Variants in LAMA2 observed in about 807,000 individuals in gnomAD.
The protein encoded by LAMA2 is laminin subunit alpha 2, also known as laminin subunit alpha-2.
Under a neutral mutation model 364.8 loss-of-function variants are expected in LAMA2, and 269 were observed. The observed-to-expected ratio is 0.74, with a 90% confidence interval of 0.67 to 0.82. LAMA2 has a LOEUF of 0.82. LAMA2 is among the 40% of genes least tolerant of loss of function. LAMA2 has a pLI of 0.00. For missense variants in LAMA2, 3,807 were observed against 3,873.2 expected (o/e 0.98, Z 0.45); for synonymous variants, 1,379 against 1,370.6 (o/e 1.01, Z -0.14).
chr6:129,050,135 AT>A (rs750771368), intron 2 of LAMA2, 47 bp downstream of exon 2: 27 of 1,593,684 alleles, frequency 1.7e-5, no homozygotes, highest in Non-Finnish European at 2.3e-5. Context: ...AGGATCTATA[AT>A]TGTGAGATGT....
At chr6:128,920,392 G>T (rs901988953) in intron 1 of LAMA2, among the ~76,000 whole-genome samples, 2 of 151,798 alleles carry the variant, frequency 1.3e-5, no homozygotes, top group African/African-American at 4.8e-5. Flanking sequence ...TCTCGACCTC[G>T]CAATTCGCCC....
At chr6:129,283,602 G>A (rs74930412) in intron 18 of LAMA2, among the ~76,000 whole-genome samples, 4,945 of 151,534 alleles carry the variant, frequency 0.033, 224 homozygotes, top group African/African-American at 0.11. Flanking sequence ...CTGAAAATGT[G>A]GAAGGTGTTT....
At chr6:129,269,450 T>C (rs1787767936) in intron 16 of LAMA2, among the ~76,000 whole-genome samples, 1 of 151,950 alleles carries the variant, frequency 6.6e-6, no homozygotes, top group Non-Finnish European at 1.5e-5. Flanking sequence ...TTTAAGATGA[T>C]TTTTATTTGA....
chr6:129,400,686 AT>A (rs538234828), intron 37 of LAMA2, among the ~76,000 whole-genome samples: 85 of 152,332 alleles, frequency 5.6e-4, no homozygotes, highest in Middle Eastern at 3.4e-3. Flanking sequence ...CCAAAGAAAA[AT>A]TATAATCTAT....
chr6:128,904,458 T>C (rs1195450974), intron 1 of LAMA2, among the ~76,000 whole-genome samples: 35 of 148,986 alleles, frequency 2.3e-4, no homozygotes, highest in African/African-American at 7.6e-4. Flanking sequence ...CTTTCTTTTT[T>C]TTTTTTTTTT....
At chr6:129,185,432 A>C (rs1781168249) in intron 10 of LAMA2, among the ~76,000 whole-genome samples, 1 of 151,926 alleles carries the variant, frequency 6.6e-6, no homozygotes, top group African/African-American at 2.4e-5. Flanking sequence ...AGAGAACTAA[A>C]GAAAAAAAAG....
At chr6:129,457,252 G>A (rs193297691) in intron 48 of LAMA2, among the ~76,000 whole-genome samples, 3 of 152,216 alleles carry the variant, frequency 2.0e-5, no homozygotes, top group African/African-American at 4.8e-5. Context: ...CTTTGAGTAC[G>A]AGATGTGACT....
At chr6:129,260,908 T>C in intron 15 of LAMA2, 86 bp downstream of exon 15, 5 of 818,116 alleles carry the variant, frequency 6.1e-6, no homozygotes, top group Non-Finnish European at 2.2e-6. Flanking sequence ...AGCTGTTTTT[T>C]TTCTATCAAT....
intron 29 of LAMA2, 85 bp from the exon 30 acceptor site, chr6:129,342,258 C>T: frequency 8.5e-7 from 1 of 1,179,926 alleles, no homozygotes; most frequent in Non-Finnish European, 1.3e-6. Flanking sequence ...CATAGACACA[C>T]ATTCATAGCT....
chr6:129,206,927 T>C (rs1476083414), intron 12 of LAMA2, among the ~76,000 whole-genome samples: 1 of 152,202 alleles, frequency 6.6e-6, no homozygotes, highest in Non-Finnish European at 1.5e-5. Flanking sequence ...TTGAGCCAAT[T>C]AGACTGACTG....
intron 4 of LAMA2, among the ~76,000 whole-genome samples, chr6:129,106,342 A>G (rs1383386578): frequency 6.6e-6 from 1 of 152,178 alleles, no homozygotes; most frequent in Non-Finnish European, 1.5e-5. Flanking sequence ...AAAATGTTTC[A>G]GAAATTCTCC....
rs372358704 is a variant in LAMA2 at position 129,190,287 on chromosome 6, A to T, written c.1550A>T (p.Glu517Val). Reference protein sequence around the residue: ...LQEDNWKGCDECFCSGVSNRC... With the variant: ...LQEDNWKGCDVCFCSGVSNRC... ...GAGGATAATTGGAAAGGCTGCGATG[A>T]GTGTTTCTGTTCAGGGGTTTCAAAC... The change falls in exon 11 of 65, where the codon GAG becomes GTG. Residue 517 changes from glutamate (E) to valine (V), a missense_variant. Coordinates refer to ENST00000421865, the MANE Select transcript of LAMA2 (RefSeq NM_000426.4). 5.9e-5 allele frequency: 96 copies of T among 1,613,618 alleles called. No individual in the cohort carries two copies. Among genetic ancestry groups the T allele is most frequent in the Non-Finnish European group, 7.2e-5 (85 of 1,179,664 alleles).
intron 12 of LAMA2, among the ~76,000 whole-genome samples, chr6:129,226,848 C>G (rs545165002): frequency 6.6e-6 from 1 of 152,088 alleles, no homozygotes; most frequent in African/African-American, 2.4e-5. Flanking sequence ...TTGTGGCATT[C>G]TCTGTGTTTC....
rs555409649 is a variant in LAMA2 at position 128,918,646 on chromosome 6, C to T, written c.112+35289C>T. Among the ~76,000 whole-genome samples the T allele has an allele frequency of 8.5e-5, 13 of 152,242 alleles. No homozygotes were observed. The South Asian group carries it at 2.7e-3, about 32-fold the overall frequency. ...TTATTTCCACTACACGAAACATTCC[C>T]TTGTAACAAATATAATATTCACAGC... On this transcript the variant is annotated intron_variant, in intron 1 of 64. Coordinates refer to ENST00000421865, the MANE Select transcript of LAMA2 (RefSeq NM_000426.4).
chr6:129,295,562 C>A (rs1044903707), intron 20 of LAMA2, among the ~76,000 whole-genome samples: 6 of 152,088 alleles, frequency 3.9e-5, no homozygotes, highest in Non-Finnish European at 5.9e-5. Flanking sequence ...TATTTTGCTA[C>A]AACTTAGCCT....
Position 129,154,491 on chromosome 6 carries a change from T to A in LAMA2, c.1028-14T>A. ...TCAAATTGATGTTTATTAATTTATT[T>A]TTCCTTAATGCAGCATGCAATTGTC... On this transcript the variant is annotated splice_polypyrimidine_tract_variant and intron_variant, in intron 7 of 64. Coordinates refer to ENST00000421865, the MANE Select transcript of LAMA2 (RefSeq NM_000426.4). The A allele has an allele frequency of 6.2e-7, 1 of 1,600,916 alleles. No homozygotes were observed. Among genetic ancestry groups the A allele is most frequent in the Non-Finnish European group, 8.6e-7 (1 of 1,168,198 alleles).
chr6:129,217,757 T>C (rs1343627241), intron 12 of LAMA2, among the ~76,000 whole-genome samples: 1 of 152,042 alleles, frequency 6.6e-6, no homozygotes, highest in African/African-American at 2.4e-5. Flanking sequence ...AATATCAGAG[T>C]TGCTGGGAAC....
chr6:129,205,032 T>G (rs1782530495), intron 12 of LAMA2, among the ~76,000 whole-genome samples: 1 of 152,150 alleles, frequency 6.6e-6, no homozygotes, highest in Non-Finnish European at 1.5e-5. Flanking sequence ...CTGTGGCTTC[T>G]TCAGGAACAA....
At chr6:129,147,422 A>T (rs1416814670) in intron 6 of LAMA2, among the ~76,000 whole-genome samples, 1 of 151,876 alleles carries the variant, frequency 6.6e-6, no homozygotes, top group Non-Finnish European at 1.5e-5. Context: ...AATGCAAATG[A>T]GTAAAAAAAT....
Sources: allele counts gnomAD v4.1 joint callset (sites outside exome capture counted in the v4.1 genomes callset), GRCh38; gene constraint gnomAD v4.1.1; transcripts MANE v1.5; gene names NCBI Gene and HGNC (gene_info 2026-07-23, HGNC 2026-07-21).